The following DGLUCY variants were observed in gnomAD, a reference collection of about 807,000 sequenced individuals.
DGLUCY encodes the protein D-glutamate cyclase.
DGLUCY carries 58 observed loss-of-function variants against 58.5 expected under a neutral mutation model. The ratio of observed to expected loss-of-function variants is 0.99; its 90% confidence interval spans 0.80 to 1.23. The LOEUF is 1.23. DGLUCY is among the 50% of genes most tolerant of loss of function. The probability of loss-of-function intolerance (pLI) is 0.00; values close to 1 mark genes in which losing one functional copy is unlikely to be tolerated. For synonymous variants in DGLUCY, 325 were observed against 314.1 expected, an observed-to-expected ratio of 1.03 and a Z score of -0.37; for missense variants, 779 against 784.7, an observed-to-expected ratio of 0.99 and a Z score of 0.09.
chr14:91,132,636 G>A (rs369699431), intron 1 of DGLUCY, among the ~76,000 whole-genome samples: 10 of 152,080 alleles, frequency 6.6e-5, no homozygotes, highest in East Asian at 1.9e-4. Context: ...CCGCCACTGC[G>A]CCCGGCTAAT....
At chr14:91,142,840 AACAC>A (rs558892923) in intron 1 of DGLUCY, among the ~76,000 whole-genome samples, 56,880 of 124,006 alleles carry the variant, frequency 0.46, 13,443 homozygotes, top group East Asian at 0.77. Context: ...ATCTCTACTA[AACAC>A]ACACACACAC....
rs187419174 is a variant in DGLUCY at position 91,078,020 on chromosome 14, C to T, written c.-82+17316C>T. Among the ~76,000 whole-genome samples, 15 of 152,172 alleles carry T rather than the reference C, an allele frequency of 9.9e-5. 1 individual carries two copies. Among genetic ancestry groups the T allele is most frequent in the Admixed American group, 2.6e-4 (4 of 15,258 alleles). On this transcript the variant is annotated intron_variant, in intron 1 of 4. Coordinates refer to the DGLUCY transcript ENST00000521334. ...CATTAACAGGCCTTAAAATACTAAGCTATTTTGTTTTTATTGTTATTATTA... is the reference window on the plus strand; with the variant it reads ...CATTAACAGGCCTTAAAATACTAAGTTATTTTGTTTTTATTGTTATTATTA...
At chr14:91,063,721 C>T (rs1467674565) in intron 1 of DGLUCY, among the ~76,000 whole-genome samples, 1 of 152,212 alleles carries the variant, frequency 6.6e-6, no homozygotes, top group Non-Finnish European at 1.5e-5. Context: ...ATGCAGTAAG[C>T]AAGGGATGAG....
chr14:91,137,217 C>G (rs1294136952), intron 1 of DGLUCY, among the ~76,000 whole-genome samples: 1 of 151,452 alleles, frequency 6.6e-6, no homozygotes, highest in Non-Finnish European at 1.5e-5. Flanking sequence ...AAGGGGTCCT[C>G]CCACCCCAGG....
At chr14:91,217,080 C>T (rs974578652) in intron 13 of DGLUCY, among the ~76,000 whole-genome samples, 2 of 152,214 alleles carry the variant, frequency 1.3e-5, no homozygotes, top group South Asian at 4.1e-4. Flanking sequence ...TGGGACCTGC[C>T]CCTCTTGGAG....
intron 2 of DGLUCY, chr14:91,158,741 T>C (rs1208309835): frequency 1.3e-5 from 2 of 152,152 alleles, no homozygotes; most frequent in Non-Finnish European, 2.9e-5. Context: ...GCACTGGGTA[T>C]ATTTGGATGA....
chr14:91,089,839 A>G (rs2044280909), intron 1 of DGLUCY, among the ~76,000 whole-genome samples: 2 of 151,998 alleles, frequency 1.3e-5, no homozygotes, highest in African/African-American at 2.4e-5. Flanking sequence ...AAAAAGCATG[A>G]AAAGGGTCAT....
At chr14:91,215,972 C>T in intron 13 of DGLUCY, 1 of 341,428 alleles carries the variant, frequency 2.9e-6, no homozygotes, top group South Asian at 2.3e-5. Flanking sequence ...CCACTAAAAC[C>T]TCCAGAGTAA....
At chr14:91,068,079 G>GCGCGCACACACACACA (rs375738080) in intron 1 of DGLUCY, among the ~76,000 whole-genome samples, 9 of 146,342 alleles carry the variant, frequency 6.1e-5, no homozygotes, top group East Asian at 4.0e-4. Flanking sequence ...ACACGCGCAC[G>GCGCGCACACACACACA]CACACACACA....
intron 12 of DGLUCY, among the ~76,000 whole-genome samples, chr14:91,214,398 TTTGGGCA>T (rs1195502269): frequency 2.0e-5 from 3 of 152,186 alleles, no homozygotes; most frequent in African/African-American, 7.2e-5. Context: ...AAATAAGCCC[TTTGGGCA>T]TGTGATGGAA....
chr14:91,066,391 A>G (rs1317358841), intron 1 of DGLUCY, among the ~76,000 whole-genome samples: 3 of 77,020 alleles, frequency 3.9e-5, no homozygotes, highest in African/African-American at 1.6e-4. Context: ...AAAAAAAGAA[A>G]AAAAAAAAAA....
At chr14:91,180,202 T>C (rs1402388608) in intron 7 of DGLUCY, among the ~76,000 whole-genome samples, 1 of 151,870 alleles carries the variant, frequency 6.6e-6, no homozygotes, top group Non-Finnish European at 1.5e-5. Flanking sequence ...CTAAACACTT[T>C]TATGTACGTT....
intron 9 of DGLUCY, among the ~76,000 whole-genome samples, chr14:91,195,795 C>G (rs1237217407): frequency 6.6e-6 from 1 of 151,668 alleles, no homozygotes; most frequent in African/African-American, 2.4e-5. Context: ...CTCAGCCTCC[C>G]GAGTAGCTGG....
At chr14:91,215,839 A>G in intron 13 of DGLUCY, 2 of 1,056,582 alleles carry the variant, frequency 1.9e-6, no homozygotes, top group Non-Finnish European at 1.2e-6. Flanking sequence ...CATCTGTAAA[A>G]TGGGGGTGGT....
intron 1 of DGLUCY, among the ~76,000 whole-genome samples, chr14:91,097,175 C>G (rs1380251490): frequency 1.3e-5 from 2 of 152,104 alleles, no homozygotes; most frequent in Non-Finnish European, 2.9e-5. Context: ...AGCAGGAAGA[C>G]TGCTTGAGTC....
intron 12 of DGLUCY, among the ~76,000 whole-genome samples, chr14:91,213,638 G>A (rs1212105915): frequency 1.3e-5 from 2 of 152,036 alleles, no homozygotes; most frequent in African/African-American, 2.4e-5. Context: ...TACCTGCCAC[G>A]TTTTGATATA....
In DGLUCY at chr14:91,118,196, T is replaced by G. The variant is rs558861666; in HGVS notation, c.-82+3913T>G. Among the ~76,000 whole-genome samples the G allele has an allele frequency of 2.6e-5, 4 of 151,018 alleles. No homozygotes were observed. The South Asian group carries it at 8.4e-4, about 32-fold the overall frequency. On this transcript the variant is annotated intron_variant, in intron 1 of 13. Coordinates refer to ENST00000256324, the MANE Select transcript of DGLUCY (RefSeq NM_001102368.3). ...CCTGGGTTCAAGCGATTCACCTCCT[T>G]CAGCCTCCCAAGTAGCTGGGATTAC...
chr14:91,214,378 C>A (rs1407207869), intron 12 of DGLUCY, among the ~76,000 whole-genome samples: 4 of 152,118 alleles, frequency 2.6e-5, no homozygotes, highest in East Asian at 3.9e-4. Context: ...GAGATGGTCC[C>A]AAAACTGGGA....
chr14:91,083,285 G>A (rs1438565579), intron 1 of DGLUCY, among the ~76,000 whole-genome samples: 1 of 152,162 alleles, frequency 6.6e-6, no homozygotes, highest in Non-Finnish European at 1.5e-5. Flanking sequence ...ACTTTGGGAG[G>A]CCAAGGCAAG....
Sources: gnomAD v4.1 joint callset for allele counts (sites outside exome capture counted in the v4.1 genomes callset) on GRCh38, gnomAD v4.1.1 for gene constraint, MANE v1.5 for transcripts, NCBI Gene and HGNC (gene_info 2026-07-23, HGNC 2026-07-21) for gene names.